MTMR8: variants seen among roughly 807,000 people sequenced by gnomAD.
The protein encoded by MTMR8 is myotubularin related protein 8, also known as phosphatidylinositol-3,5-bisphosphate 3-phosphatase MTMR8.
MTMR8 carries 65 observed loss-of-function variants against 39.3 expected under a neutral mutation model. The ratio of observed to expected loss-of-function variants is 1.65; its 90% confidence interval spans 1.35 to 2.03. The LOEUF (loss-of-function observed/expected upper bound fraction) is 2.03. Ranked by LOEUF, MTMR8 falls within the 30% of genes most tolerant of loss-of-function variation. The pLI, the probability that MTMR8 is intolerant of heterozygous loss-of-function variation, is 0.00. For missense variants in MTMR8, 777 were observed against 538.9 expected (o/e 1.44, Z -4.37); for synonymous variants, 245 against 185.2 (o/e 1.32, Z -2.62).
chrX:64,268,970 T>C lies in MTMR8; in HGVS notation c.1682A>G (p.His561Arg), dbSNP rs760861340. ...AGGATTGGTCAAAGGACTTCCCAGA[T>C]GCTGGGATAATATGTTTCCTAATTG... ...CSQLGNILSQ[H>R]LGSPLTNPLG... Residue 561 changes from histidine to arginine, a missense_variant, in exon 14 of 14, where the codon CAT becomes CGT. Transcript: ENST00000374852. 7.4e-6 allele frequency: 9 copies of C among 1,208,864 alleles called. No individual in the cohort carries two copies. The highest frequency in any genetic ancestry group is 2.3e-4 in the Middle Eastern group (1 of 4,351).
chrX:64,280,737 A>T (rs994964250), intron 12 of MTMR8, among the ~76,000 whole-genome samples: 1 of 111,566 alleles, frequency 9.0e-6, no homozygotes, highest in Non-Finnish European at 1.9e-5. Flanking sequence ...GTATTCAAAT[A>T]GGAAGAGAGG....
At chrX:64,392,189 C>T (rs1433157329) in intron 1 of MTMR8, among the ~76,000 whole-genome samples, 1 of 111,581 alleles carries the variant, frequency 9.0e-6, no homozygotes, top group African/African-American at 3.3e-5. Flanking sequence ...TCTAGATGAA[C>T]ATATGCATAT....
Position 64,328,912 on chromosome X carries a change from G to T in MTMR8, c.1353-12C>A. ...TTTTCTCATAGACTCTGTTAGAAAA[G>T]AAAAACAAGCCAAAAAATTAAAAGC... On this transcript the variant is annotated splice_polypyrimidine_tract_variant and intron_variant, in intron 11 of 13. Transcript: ENST00000374852. 8.5e-7 allele frequency: 1 copy of T among 1,182,109 alleles called. No individual in the cohort carries two copies.
chrX:64,352,152 G>A (rs1302672509), intron 4 of MTMR8, among the ~76,000 whole-genome samples: 4 of 111,296 alleles, frequency 3.6e-5, no homozygotes, highest in Non-Finnish European at 5.7e-5. Context: ...GTGCCTATGT[G>A]GGCAGGCTCC....
intron 8 of MTMR8, among the ~76,000 whole-genome samples, chrX:64,341,002 C>T (rs905090518): frequency 3.6e-5 from 4 of 112,042 alleles, no homozygotes; most frequent in Non-Finnish European, 7.5e-5. Flanking sequence ...CACAGAAAAT[C>T]CACTTCTATA....
At chrX:64,291,849 A>G (rs1921408249) in intron 12 of MTMR8, among the ~76,000 whole-genome samples, 1 of 111,749 alleles carries the variant, frequency 8.9e-6, no homozygotes, top group African/African-American at 3.3e-5. Context: ...TAGTGCCAGT[A>G]TTTGAGTAAA....
At chrX:64,359,782 G>A (rs1248883896) in intron 1 of MTMR8, among the ~76,000 whole-genome samples, 3 of 110,339 alleles carry the variant, frequency 2.7e-5, no homozygotes, top group Non-Finnish European at 3.8e-5. Flanking sequence ...GATGAGGTAC[G>A]TATAACTGGA....
At chrX:64,274,323 T>A (rs1931826517) in intron 12 of MTMR8, among the ~76,000 whole-genome samples, 1 of 111,823 alleles carries the variant, frequency 8.9e-6, no homozygotes, top group Admixed American at 9.5e-5. Flanking sequence ...AGTTAAAACA[T>A]ATGGAAATTA....
intron 12 of MTMR8, among the ~76,000 whole-genome samples, chrX:64,284,178 C>A (rs1348488462): frequency 1.8e-5 from 2 of 112,006 alleles, no homozygotes; most frequent in Non-Finnish European, 3.8e-5. Context: ...GTGACGTACG[C>A]ACAAGCTTCA....
At position 64,282,530 on chromosome X, in the gene MTMR8, A is replaced by G. The variant is rs191342329; in HGVS notation, c.1482-11457T>C. ...TAAAATTAGAAAAAAATAGACAACA[A>G]AAAGAATAAAGTTGGACTCTTACTT... On this transcript the variant is annotated intron_variant, in intron 12 of 13. Coordinates refer to ENST00000374852, the MANE Select transcript of MTMR8 (RefSeq NM_017677.4). 9.0e-3 allele frequency among the ~76,000 whole-genome samples: 1,004 copies of G among 111,679 alleles called. 7 individuals carry two copies. The highest frequency in any genetic ancestry group is 0.015 in the Non-Finnish European group (810 of 53,176).
intron 1 of MTMR8, among the ~76,000 whole-genome samples, chrX:64,385,789 C>T (rs1924541895): frequency 9.0e-6 from 1 of 111,087 alleles, no homozygotes; most frequent in African/African-American, 3.3e-5. Context: ...GAAGTCCATC[C>T]CCATGATCCA....
intron 12 of MTMR8, among the ~76,000 whole-genome samples, chrX:64,292,118 G>A (rs1243260420): frequency 8.9e-6 from 1 of 111,955 alleles, no homozygotes; most frequent in East Asian, 2.8e-4. Flanking sequence ...CCTTGTCCTT[G>A]GACACTGCTA....
rs1922933231 is a variant in MTMR8, at chrX:64,331,327, T to C, written c.1352+230A>G. 1.0e-5 allele frequency: 4 copies of C among 395,136 alleles called. No homozygotes were observed. The South Asian group carries it at 1.1e-4, about 11-fold the overall frequency. The allele number at this position is 395,136 out of a possible 1,213,427, so 32.6% of individuals were successfully genotyped here. ...CATCCATTATTTTACTGGATCCTCA[T>C]GACTGCTCTAAAAAGTAGGCATTAT... On this transcript the variant is annotated intron_variant, in intron 11 of 13. Transcript: ENST00000374852.
At chrX:64,320,641 G>A (rs1327443796) in intron 12 of MTMR8, among the ~76,000 whole-genome samples, 1 of 109,766 alleles carries the variant, frequency 9.1e-6, no homozygotes, top group African/African-American at 3.3e-5. Flanking sequence ...TAAAAAGCCT[G>A]GGAAGGAAAA....
intron 12 of MTMR8, among the ~76,000 whole-genome samples, chrX:64,280,046 G>C (rs762255164): frequency 1.0e-3 from 117 of 112,195 alleles, no homozygotes; most frequent in Middle Eastern, 4.6e-3. Context: ...TGAAATTGCA[G>C]CTGTAATAAA....
intron 12 of MTMR8, among the ~76,000 whole-genome samples, chrX:64,304,141 A>G (rs1294318118): frequency 8.9e-6 from 1 of 112,352 alleles, no homozygotes; most frequent in East Asian, 2.8e-4. Flanking sequence ...GAGTCAACTA[A>G]AAAGAAAGCC....
At position 64,356,268 on chromosome X, in the gene MTMR8, C is replaced by A; in HGVS notation, c.218G>T (p.Arg73Leu). ...ITSLGCPLTL[R>L]CKNFRVAHFV... ...GTGGGCCACCCGGAAATTCTTGCAG[C>A]GGAGGGTCAGGGGACAACCCAGGCT... The change falls in exon 3 of 14, where the codon CGC becomes CTC. Residue 73 changes from arginine to leucine, a missense_variant. Physicochemically the swap from Arg to Leu is moderately radical, Grantham distance 102. Transcript: ENST00000374852. 1.7e-6 allele frequency: 2 copies of A among 1,209,790 alleles called. No homozygotes were observed. Among genetic ancestry groups the A allele is most frequent in the Middle Eastern group, 4.6e-4 (2 of 4,343 alleles).
intron 10 of MTMR8, among the ~76,000 whole-genome samples, chrX:64,332,029 T>C (rs1429612979): frequency 8.9e-6 from 1 of 112,055 alleles, no homozygotes; most frequent in Admixed American, 9.4e-5. Context: ...TCTGCAATGA[T>C]GGAAAATTTC....
chrX:64,395,339 C>A lies in MTMR8; in HGVS notation c.24+1G>T, dbSNP rs751361156. The A allele has an allele frequency of 1.7e-6, 2 of 1,208,746 alleles. No homozygotes were observed. The highest frequency in any genetic ancestry group is 1.8e-5 in the African/African-American group (1 of 57,056). ...CAGCCTCGCTTAACTCTTCTCCTTA[C>A]CTTGGGTACCGTAATATGATCCATG... is the stretch of plus-strand genomic sequence containing the variant. On this transcript the variant is annotated splice_donor_variant, in intron 1 of 13. Coordinates refer to ENST00000374852, the MANE Select transcript of MTMR8 (RefSeq NM_017677.4). LOFTEE classifies it high-confidence loss of function.
Sources: gnomAD v4.1 joint callset for allele counts (sites outside exome capture counted in the v4.1 genomes callset) on GRCh38, gnomAD v4.1.1 for gene constraint, MANE v1.5 for transcripts, NCBI Gene and HGNC (gene_info 2026-07-23, HGNC 2026-07-21) for gene names.